DNMT1: variants seen among roughly 807,000 people sequenced by gnomAD.
DNMT1 encodes the protein DNA (cytosine-5)-methyltransferase 1.
DNMT1 carries 24 observed loss-of-function variants against 205.3 expected under a neutral mutation model. The observed-to-expected ratio is 0.12, with a 90% CI of 0.08 to 0.16. DNMT1 has a LOEUF of 0.16. Ranked by LOEUF, DNMT1 falls within the 10% of genes least tolerant of loss-of-function variation. The probability of loss-of-function intolerance (pLI) is 1.00; values close to 1 mark genes in which losing one functional copy is unlikely to be tolerated. For missense variants in DNMT1, 1,293 were observed against 2,177.7 expected, an observed-to-expected ratio of 0.59 and a Z score of 8.09; for synonymous variants, 817 against 839.8, an observed-to-expected ratio of 0.97 and a Z score of 0.47.
In DNMT1 at chr19:10,137,989, C is replaced by T. The variant is rs2145258691; in HGVS notation, c.4136G>A (p.Arg1379Gln). Residue 1379 changes from arginine to glutamine, a missense_variant, in exon 36 of 41, where the codon CGG becomes CAG. This residue lies in a region of DNMT1 where 148 missense variants were observed against 256.1 expected (regional missense o/e 0.58). Coordinates refer to ENST00000359526, the MANE Select transcript of DNMT1 (RefSeq NM_001130823.3). The surrounding 1 kb of genome is among the most constrained non-coding windows in gnomAD (Gnocchi z 6.4). ...CATCGTGTCTCGCACCGTGATGGTC[C>T]GGAAAGGACCCGAGCTCAACCTGCA... ...NITRLSSGPF[R>Q]TITVRDTMSD... is the part of the protein sequence containing the mutation. The T allele has an allele frequency of 6.2e-7, 1 of 1,611,322 alleles. No homozygotes were observed. Among genetic ancestry groups the T allele is most frequent in the Non-Finnish European group, 8.5e-7 (1 of 1,179,096 alleles).
chr19:10,133,592 G>C lies in DNMT1; in HGVS notation c.*75C>G. Reference sequence around the variant, plus strand: ...TACCACACATGTGAACGGACAGATTGACATGTTAAAAACACAACATCAGTG... The same window carrying C: ...TACCACACATGTGAACGGACAGATTCACATGTTAAAAACACAACATCAGTG... On this transcript the variant is annotated 3_prime_UTR_variant, in exon 41 of 41. Transcript: ENST00000359526. The surrounding 1 kb of genome is among the most constrained non-coding windows in gnomAD (Gnocchi z 4.1). The C allele has an allele frequency of 6.6e-7, 1 of 1,505,536 alleles. No individual in the cohort carries two copies. Among genetic ancestry groups the C allele is most frequent in the Non-Finnish European group, 9.1e-7 (1 of 1,103,330 alleles). 93.3% of individuals were successfully genotyped at this position (1,505,536 alleles called of 1,614,324 possible).
Position 10,150,066 on chromosome 19 carries a change from G to C in DNMT1, c.2266-98C>G, listed in dbSNP as rs939716671. On this transcript the variant is annotated intron_variant, in intron 24 of 40. Transcript: ENST00000359526. Reference sequence around the variant, plus strand: ...TGTTACTTAAAGTAAGACATGACTCGATTTCATTAAGAAGTCAATGAAGAG... The same window carrying C: ...TGTTACTTAAAGTAAGACATGACTCCATTTCATTAAGAAGTCAATGAAGAG... The C allele has an allele frequency of 3.9e-6, 4 of 1,029,504 alleles. No individual in the cohort carries two copies. The South Asian group carries it at 5.1e-5, about 13-fold the overall frequency. The allele number at this position is 1,029,504 out of a possible 1,614,324, so 63.8% of individuals were successfully genotyped here.
At chr19:10,191,770 G>A (rs963707106) in intron 1 of DNMT1, among the ~76,000 whole-genome samples, 1 of 152,014 alleles carries the variant, frequency 6.6e-6, no homozygotes, top group African/African-American at 2.4e-5. Flanking sequence ...CCAACGCAGA[G>A]GATTGCTTCA....
chr19:10,182,136 G>A (rs552837873), intron 1 of DNMT1, 59 bp from the exon 2 acceptor site: 176 of 1,533,542 alleles, frequency 1.1e-4, no homozygotes, highest in Middle Eastern at 1.7e-4. Flanking sequence ...TCATTTGCCT[G>A]TAAGAATATC....
chr19:10,148,213 G>A (rs776809049), intron 27 of DNMT1, among the ~76,000 whole-genome samples: 1 of 148,972 alleles, frequency 6.7e-6, no homozygotes, highest in Admixed American at 6.7e-5. Context: ...CAAAAGAATC[G>A]AGGACAGGTG....
At chr19:10,178,782 C>T (rs1284258007) in intron 5 of DNMT1, 1 of 151,534 alleles carries the variant, frequency 6.6e-6, no homozygotes, top group Non-Finnish European at 1.5e-5. Flanking sequence ...AATGAAGTAG[C>T]TGAGAACCAG....
intron 11 of DNMT1, among the ~76,000 whole-genome samples, chr19:10,164,107 T>C (rs889768877): frequency 1.3e-5 from 2 of 152,086 alleles, no homozygotes; most frequent in Non-Finnish European, 2.9e-5. Flanking sequence ...ATGCCAGTGG[T>C]TTAATACAAA....
chr19:10,150,025 G>C (rs1257571125), intron 24 of DNMT1, 57 bp from the exon 25 acceptor site: 1 of 1,431,064 alleles, frequency 7.0e-7, no homozygotes, highest in African/African-American at 1.4e-5. Flanking sequence ...TGCTGGCCTT[G>C]ACTTGCATGG....
At chr19:10,186,156 A>G (rs1161506736) in intron 1 of DNMT1, among the ~76,000 whole-genome samples, 2 of 152,284 alleles carry the variant, frequency 1.3e-5, no homozygotes, top group Non-Finnish European at 2.9e-5. Context: ...GCGGAGACCA[A>G]GGTGTCCTTG....
Position 10,138,406 on chromosome 19 carries a change from G to A in DNMT1, c.4115+33C>T, listed in dbSNP as rs1396311500. 8 of 1,613,376 alleles carry A rather than the reference G, an allele frequency of 5.0e-6. No homozygotes were observed. The highest frequency in any genetic ancestry group is 1.7e-5 in the Admixed American group (1 of 60,010). On this transcript the variant is annotated intron_variant, in intron 35 of 40. Transcript: ENST00000359526. This position sits in a 1 kb window ranked among gnomAD's most constrained non-coding sequence, Gnocchi z 4.1. Reference sequence around the variant, plus strand: ...CCCATGAGCTACTGAGGCCTGCTCGGCAGTGTGTGGAGGAGCGACGGGGGC... The same window carrying A: ...CCCATGAGCTACTGAGGCCTGCTCGACAGTGTGTGGAGGAGCGACGGGGGC...
At chr19:10,183,092 TACACG>T (rs2039109100) in intron 1 of DNMT1, among the ~76,000 whole-genome samples, 2 of 138,588 alleles carry the variant, frequency 1.4e-5, no homozygotes, top group African/African-American at 5.8e-5. Flanking sequence ...TATATATATA[TACACG>T]TATATATACG....
At position 10,156,540 on chromosome 19, in the gene DNMT1, G is replaced by T; in HGVS notation, c.1281-31C>A. 1 of 1,564,236 alleles carries T rather than the reference G, an allele frequency of 6.4e-7. No individual in the cohort carries two copies. The highest frequency in any genetic ancestry group is 1.1e-5 in the South Asian group (1 of 90,076). ...CAGGAAACAAAGCACATGCTTACCA[G>T]CTAAGCCGTGAAGGCGGGTCTTCGT... On this transcript the variant is annotated intron_variant, in intron 17 of 40. Coordinates refer to ENST00000359526, the MANE Select transcript of DNMT1 (RefSeq NM_001130823.3). The surrounding 1 kb of genome is among the most constrained non-coding windows in gnomAD (Gnocchi z 4.2).
chr19:10,192,873 C>T (rs2039328725), intron 1 of DNMT1, among the ~76,000 whole-genome samples: 1 of 151,938 alleles, frequency 6.6e-6, no homozygotes, highest in Non-Finnish European at 1.5e-5. Flanking sequence ...ATGGAGAAAC[C>T]CCGACTCCAC....
chr19:10,191,329 G>A (rs2039301266), intron 1 of DNMT1, among the ~76,000 whole-genome samples: 3 of 143,646 alleles, frequency 2.1e-5, no homozygotes, highest in African/African-American at 7.7e-5. Flanking sequence ...TGGATACCAT[G>A]TTTATTTTTC....
chr19:10,148,538 A>T (rs1016752393), intron 27 of DNMT1, among the ~76,000 whole-genome samples: 2 of 152,134 alleles, frequency 1.3e-5, no homozygotes, highest in Non-Finnish European at 2.9e-5. Flanking sequence ...AAAGAATCAA[A>T]TAAGAGGTCT....
intron 9 of DNMT1, among the ~76,000 whole-genome samples, chr19:10,171,804 C>CAAATAAATAAATAAATAAATAAAT (rs201700970): frequency 7.1e-6 from 1 of 139,922 alleles, no homozygotes; most frequent in African/African-American, 2.7e-5. Flanking sequence ...GACTCCGTCT[C>CAAATAAATAAATAAATAAATAAAT]AAATAAATAA....
At chr19:10,158,289 G>A (rs1358703175) in intron 17 of DNMT1, among the ~76,000 whole-genome samples, 8 of 152,186 alleles carry the variant, frequency 5.3e-5, no homozygotes, top group Admixed American at 3.9e-4. Flanking sequence ...CAGGCCTCGG[G>A]GGGCTAGCGG....
chr19:10,165,923 G>A (rs1192856653), intron 11 of DNMT1, among the ~76,000 whole-genome samples: 1 of 152,190 alleles, frequency 6.6e-6, no homozygotes, highest in African/African-American at 2.4e-5. Context: ...CGGGTCAGAA[G>A]TGAGGGTGCT....
intron 1 of DNMT1, among the ~76,000 whole-genome samples, chr19:10,189,302 T>C (rs1283938335): frequency 1.3e-5 from 2 of 152,098 alleles, no homozygotes; most frequent in Non-Finnish European, 2.9e-5. Flanking sequence ...TTTGTATTTT[T>C]AGTAGAGACG....
Sources: gnomAD v4.1 joint callset for allele counts (sites outside exome capture counted in the v4.1 genomes callset) on GRCh38, gnomAD v4.1.1 for gene constraint, gnomAD v4.1.1 regional missense constraint, Gnocchi (gnomAD v3.1) non-coding constraint, MANE v1.5 for transcripts, NCBI Gene and HGNC (gene_info 2026-07-23, HGNC 2026-07-21) for gene names.